Variants in CNBD1 observed in about 807,000 individuals in gnomAD.
CNBD1 encodes cyclic nucleotide binding domain containing 1.
CNBD1 carries 71 observed loss-of-function variants against 54.4 expected under a neutral mutation model. That is an observed-to-expected ratio of 1.30 (90% CI 1.08 to 1.59). The LOEUF (loss-of-function observed/expected upper bound fraction) is 1.59. Among genes scored for constraint, CNBD1 ranks in the 40% most tolerant of loss-of-function variants. The probability of loss-of-function intolerance (pLI) is 0.00; values close to 1 mark genes in which losing one functional copy is unlikely to be tolerated. For missense variants in CNBD1, 659 were observed against 518.0 expected (o/e 1.27, Z -2.64); for synonymous variants, 182 against 170.7 (o/e 1.07, Z -0.51).
At chr8:87,225,510 G>C (rs1814462042) in intron 5 of CNBD1, among the ~76,000 whole-genome samples, 1 of 150,378 alleles carries the variant, frequency 6.6e-6, no homozygotes, top group Non-Finnish European at 1.5e-5. Context: ...TGTGGTTTTT[G>C]TCTTTGGTTC....
intron 8 of CNBD1, among the ~76,000 whole-genome samples, chr8:87,313,119 ACCATATAC>A (rs1221203337): frequency 6.6e-6 from 1 of 152,034 alleles, no homozygotes; most frequent in Non-Finnish European, 1.5e-5. Context: ...TTACTAAAAT[ACCATATAC>A]CCAACTTCTG....
At chr8:87,102,178 C>T (rs1036386466) in intron 4 of CNBD1, among the ~76,000 whole-genome samples, 5 of 152,072 alleles carry the variant, frequency 3.3e-5, no homozygotes, top group African/African-American at 1.2e-4. Context: ...TGAACCACTT[C>T]GTCCGGCCCA....
chr8:87,091,639 A>C (rs1811204959), intron 4 of CNBD1, among the ~76,000 whole-genome samples: 1 of 152,180 alleles, frequency 6.6e-6, no homozygotes, highest in Non-Finnish European at 1.5e-5. Context: ...CAAGATAAAA[A>C]ATAAAGGGAG....
chr8:86,887,473 ACT>A (rs887917329), intron 1 of CNBD1, 67 bp from the exon 2 acceptor site: 1 of 942,068 alleles, frequency 1.1e-6, no homozygotes, highest in African/African-American at 1.7e-5. Context: ...TTGCAATTAA[ACT>A]CTATTTACAC....
At chr8:87,245,411 T>G (rs1243071403) in intron 6 of CNBD1, among the ~76,000 whole-genome samples, 1 of 151,992 alleles carries the variant, frequency 6.6e-6, no homozygotes, top group East Asian at 1.9e-4. Context: ...AAACATTAAC[T>G]CCGATATTTC....
At chr8:86,993,113 T>C (rs531166555) in intron 4 of CNBD1, among the ~76,000 whole-genome samples, 3 of 152,286 alleles carry the variant, frequency 2.0e-5, no homozygotes, top group East Asian at 3.9e-4. Context: ...TTTGGTCTCT[T>C]TATATAATCC....
At chr8:87,058,006 A>C (rs1725854702) in intron 4 of CNBD1, among the ~76,000 whole-genome samples, 1 of 152,168 alleles carries the variant, frequency 6.6e-6, no homozygotes, top group South Asian at 2.1e-4. Context: ...TGTAAAACCA[A>C]AAGCAAATTA....
intron 4 of CNBD1, among the ~76,000 whole-genome samples, chr8:86,992,200 G>T (rs543090798): frequency 1.9e-4 from 29 of 151,962 alleles, no homozygotes; most frequent in Non-Finnish European, 3.8e-4. Context: ...CCAATGTTGG[G>T]TGCATATATG....
intron 8 of CNBD1, among the ~76,000 whole-genome samples, chr8:87,322,463 C>A (rs1344607061): frequency 8.2e-6 from 1 of 122,246 alleles, no homozygotes; most frequent in African/African-American, 3.0e-5. Context: ...TCTCTAACAC[C>A]TGTTGTTTCC....
At chr8:87,346,311 G>A (rs1810175746) in intron 8 of CNBD1, among the ~76,000 whole-genome samples, 1 of 152,026 alleles carries the variant, frequency 6.6e-6, no homozygotes, top group Non-Finnish European at 1.5e-5. Flanking sequence ...CAAAGTGCTG[G>A]TATCACAGGT....
At chr8:86,906,232 G>A (rs2131809500) in intron 3 of CNBD1, among the ~76,000 whole-genome samples, 1 of 152,222 alleles carries the variant, frequency 6.6e-6, no homozygotes, top group Middle Eastern at 3.4e-3. Flanking sequence ...ATGTCTCCAG[G>A]GGTTGGAAGA....
intron 8 of CNBD1, among the ~76,000 whole-genome samples, chr8:87,336,030 C>G (rs1457358245): frequency 6.6e-6 from 1 of 152,206 alleles, no homozygotes; most frequent in African/African-American, 2.4e-5. Context: ...TGGCCCCACT[C>G]TCTTCTGGCT....
chr8:86,957,116 A>C (rs186355584), intron 4 of CNBD1, among the ~76,000 whole-genome samples: 1 of 152,258 alleles, frequency 6.6e-6, no homozygotes, highest in East Asian at 1.9e-4. Context: ...TTCTGTTTAT[A>C]TGATGGATTA....
At chr8:87,104,973 T>C (rs1461898580) in intron 4 of CNBD1, among the ~76,000 whole-genome samples, 1 of 152,204 alleles carries the variant, frequency 6.6e-6, no homozygotes, top group Non-Finnish European at 1.5e-5. Flanking sequence ...ATAATTTTTA[T>C]TTCACGGTAT....
chr8:87,363,291 GC>G (rs1810560229), intron 10 of CNBD1, among the ~76,000 whole-genome samples: 1 of 152,014 alleles, frequency 6.6e-6, no homozygotes, highest in Non-Finnish European at 1.5e-5. Context: ...TGTGAACAGT[GC>G]CACAATAAAC....
At chr8:87,258,224 A>G (rs887456063) in intron 6 of CNBD1, among the ~76,000 whole-genome samples, 1 of 152,098 alleles carries the variant, frequency 6.6e-6, no homozygotes, top group African/African-American at 2.4e-5. Flanking sequence ...AACACTTGAT[A>G]TTGTAAACTA....
Position 87,006,481 on chromosome 8 carries a change from G to T in CNBD1, c.431+66727G>T, listed in dbSNP as rs2130553176. Among the ~76,000 whole-genome samples the T allele has an allele frequency of 1.3e-5, 2 of 152,262 alleles. 1 individual carries two copies. The highest frequency in any genetic ancestry group is 3.9e-4 in the East Asian group (2 of 5,162). On this transcript the variant is annotated intron_variant, in intron 4 of 10. Coordinates refer to ENST00000518476, the MANE Select transcript of CNBD1 (RefSeq NM_173538.3). ...GCTTATAGTTCTGCAGGCTATACAG[G>T]AAACATAGTGCCAGCATCTGCTCAG... is the stretch of plus-strand genomic sequence containing the variant.
chr8:87,140,785 A>T lies in CNBD1; in HGVS notation c.432-65208A>T, dbSNP rs562039510. ...GAATCGCAAACTTTAATAAGAAAAA[A>T]AGTTTATCAAAAGATGAAATGGCAA... On this transcript the variant is annotated intron_variant, in intron 4 of 10. Coordinates refer to ENST00000518476, the MANE Select transcript of CNBD1 (RefSeq NM_173538.3). Among the ~76,000 whole-genome samples the T allele has an allele frequency of 3.3e-5, 5 of 152,276 alleles. No homozygotes were observed. The East Asian group carries it at 9.7e-4, about 29-fold the overall frequency.
Position 87,407,608 on chromosome 8 carries a change from T to G in CNBD1, c.214-20938T>G, listed in dbSNP as rs567724438. Among the ~76,000 whole-genome samples, 235 of 152,170 alleles carry G rather than the reference T, an allele frequency of 1.5e-3. 1 individual carries two copies. Among genetic ancestry groups the G allele is most frequent in the Non-Finnish European group, 2.4e-3 (164 of 67,938 alleles). ...AGATTGATTTGTATGGACTTTCACTTCAACCATCTGTTTATAAAAATTCCT... is the reference window on the plus strand; with the variant it reads ...AGATTGATTTGTATGGACTTTCACTGCAACCATCTGTTTATAAAAATTCCT... On this transcript the variant is annotated intron_variant, in intron 2 of 7. Coordinates refer to the CNBD1 transcript ENST00000521593.
Sources: gnomAD v4.1 joint callset for allele counts (sites outside exome capture counted in the v4.1 genomes callset) on GRCh38, gnomAD v4.1.1 for gene constraint, MANE v1.5 for transcripts, NCBI Gene and HGNC (gene_info 2026-07-23, HGNC 2026-07-21) for gene names.